Variants in TRPC1 observed in about 807,000 individuals in gnomAD.
TRPC1 encodes the protein short transient receptor potential channel 1.
TRPC1 carries 42 observed loss-of-function variants against 88.2 expected under a neutral mutation model. The ratio of observed to expected loss-of-function variants is 0.48; its 90% confidence interval spans 0.37 to 0.62. TRPC1 has a LOEUF of 0.62. TRPC1 is among the 20% of genes least tolerant of loss of function. The pLI, the probability that TRPC1 is intolerant of heterozygous loss-of-function variation, is 0.00. For missense variants in TRPC1, 699 were observed against 957.3 expected (o/e 0.73, Z 3.56); for synonymous variants, 288 against 331.8 (o/e 0.87, Z 1.43).
At chr3:142,751,893 A>AG (rs1934779364) in intron 4 of TRPC1, among the ~76,000 whole-genome samples, 1 of 152,206 alleles carries the variant, frequency 6.6e-6, no homozygotes, top group Non-Finnish European at 1.5e-5. Context: ...CTATTTTACA[A>AG]AGAGATCTGT....
At chr3:142,799,347 C>T (rs1375412548) in intron 9 of TRPC1, among the ~76,000 whole-genome samples, 1 of 152,118 alleles carries the variant, frequency 6.6e-6, no homozygotes, top group African/African-American at 2.4e-5. Context: ...ATTACTTTTA[C>T]AAATACATAA....
intron 3 of TRPC1, among the ~76,000 whole-genome samples, chr3:142,747,931 T>C (rs548916341): frequency 1.3e-5 from 2 of 152,292 alleles, no homozygotes; most frequent in Non-Finnish European, 2.9e-5. Context: ...TTGTCAGGCA[T>C]GATTCTATAA....
chr3:142,794,197 C>G (rs1578005997), intron 9 of TRPC1, among the ~76,000 whole-genome samples: 1 of 152,022 alleles, frequency 6.6e-6, no homozygotes, highest in Non-Finnish European at 1.5e-5. Context: ...TTATTTTTGC[C>G]ACTAATATCA....
intron 4 of TRPC1, among the ~76,000 whole-genome samples, chr3:142,766,862 T>C (rs1935412338): frequency 6.6e-6 from 1 of 152,260 alleles, no homozygotes; most frequent in Non-Finnish European, 1.5e-5. Context: ...CCATTAGTTC[T>C]GTCCCTCTAG....
At chr3:142,791,193 T>A in intron 8 of TRPC1, 35 bp downstream of exon 8, 2 of 1,563,498 alleles carry the variant, frequency 1.3e-6, no homozygotes, top group South Asian at 2.4e-5. Flanking sequence ...AGGCACAAAT[T>A]AAGTTTATTT....
At chr3:142,778,011 A>G (rs780009546) in intron 5 of TRPC1, among the ~76,000 whole-genome samples, 2 of 152,066 alleles carry the variant, frequency 1.3e-5, no homozygotes, top group African/African-American at 2.4e-5. Context: ...CCACTTTTCA[A>G]CCTAACCAAA....
intron 4 of TRPC1, among the ~76,000 whole-genome samples, chr3:142,766,949 A>C (rs1577977747): frequency 6.6e-6 from 1 of 152,316 alleles, no homozygotes; most frequent in African/African-American, 2.4e-5. Context: ...ATGTCCTTTA[A>C]ATTTCCAAAT....
chr3:142,799,713 C>G (rs182882413), intron 9 of TRPC1, among the ~76,000 whole-genome samples: 1 of 151,938 alleles, frequency 6.6e-6, no homozygotes. Context: ...GTGGGGAGGA[C>G]TGCTGAAGCC....
At chr3:142,778,040 G>T (rs749211215) in intron 5 of TRPC1, among the ~76,000 whole-genome samples, 1 of 152,132 alleles carries the variant, frequency 6.6e-6, no homozygotes, top group Non-Finnish European at 1.5e-5. Flanking sequence ...AGAGCAGTAT[G>T]AAATACAGTA....
rs367859792 is a variant in TRPC1 at position 142,772,921 on chromosome 3, T to C, written c.633-4711T>C. ...TCTGTTCTAGGCCTCTCTCCTTTGT[T>C]GTAGTTGGCCATCTTCATGTTCACA... On this transcript the variant is annotated intron_variant, in intron 4 of 12. Transcript: ENST00000476941. 3.3e-5 allele frequency among the ~76,000 whole-genome samples: 5 copies of C among 152,312 alleles called. No homozygotes were observed. The East Asian group carries it at 9.6e-4, about 29-fold the overall frequency.
chr3:142,753,811 A>AT (rs1392986096), intron 4 of TRPC1, among the ~76,000 whole-genome samples: 4 of 151,352 alleles, frequency 2.6e-5, no homozygotes, highest in Non-Finnish European at 5.9e-5. Context: ...AGAAAGTGAG[A>AT]TGGCTGGACA....
rs1421634064 is a variant in TRPC1, at chr3:142,807,430, A to G, written c.*1195A>G. On this transcript the variant is annotated 3_prime_UTR_variant, in exon 13 of 13. Transcript: ENST00000476941. ...AGCTAAAATGTTTTCATAGGCTATT[A>G]TATATTCTCGCAGCATTTCCAGTTA... 3 of 152,198 alleles carry G rather than the reference A, an allele frequency of 2.0e-5. No individual in the cohort carries two copies. The highest frequency in any genetic ancestry group is 4.4e-5 in the Non-Finnish European group (3 of 68,032). 9.4% of individuals were successfully genotyped at this position (152,198 alleles called of 1,614,324 possible). A position where few individuals can be genotyped will look rare whatever the true frequency, so the allele number is the denominator to read the frequency against.
chr3:142,754,001 C>G (rs1423942118), intron 4 of TRPC1, among the ~76,000 whole-genome samples: 1 of 148,774 alleles, frequency 6.7e-6, no homozygotes, highest in East Asian at 2.0e-4. Context: ...GGGAGGATTA[C>G]CTGTGCCCAG....
At position 142,791,088 on chromosome 3, in the gene TRPC1, A is replaced by G; in HGVS notation, c.1367A>G (p.Asn456Ser). ...GLEDFLEESR[N>S]QLSFVMNSLY... ...GAAGACTTTTTAGAAGAATCTCGTAATCAACTCAGTTTTGTCATGAATTCT... is the reference window on the plus strand; with the variant it reads ...GAAGACTTTTTAGAAGAATCTCGTAGTCAACTCAGTTTTGTCATGAATTCT... Residue 456 changes from asparagine to serine, a missense_variant, in exon 8 of 13, where the codon AAT (asparagine) becomes AGT (serine). By Grantham distance (46) the Asn-to-Ser change is conservative. This residue lies in a region of TRPC1 where 426 missense variants were observed against 641.3 expected (regional missense o/e 0.66). Transcript: ENST00000476941. The G allele has an allele frequency of 5.6e-6, 9 of 1,611,030 alleles. No homozygotes were observed. The highest frequency in any genetic ancestry group is 7.6e-6 in the Non-Finnish European group (9 of 1,178,692).
At position 142,803,969 on chromosome 3, in the gene TRPC1, C is replaced by T; in HGVS notation, c.1758-8C>T. ...GCCTTTTAAACAGAAATGCAATTGT[C>T]TTTACAGGTTCATTGGCACCTGCTT... On this transcript the variant is annotated splice_region_variant and splice_polypyrimidine_tract_variant and intron_variant, in intron 10 of 12. Coordinates refer to ENST00000476941, the MANE Select transcript of TRPC1 (RefSeq NM_001251845.2). 1 of 1,612,724 alleles carries T rather than the reference C, an allele frequency of 6.2e-7. No individual in the cohort carries two copies. Among genetic ancestry groups the T allele is most frequent in the Non-Finnish European group, 8.5e-7 (1 of 1,179,168 alleles).
At chr3:142,742,160 C>T (rs1309253509) in intron 2 of TRPC1, among the ~76,000 whole-genome samples, 1 of 111,576 alleles carries the variant, frequency 9.0e-6, no homozygotes, top group Non-Finnish European at 1.8e-5. Context: ...AAGACTCTGT[C>T]TCAAAAAAAA....
At chr3:142,781,430 T>C (rs1036184651) in intron 6 of TRPC1, among the ~76,000 whole-genome samples, 4 of 152,138 alleles carry the variant, frequency 2.6e-5, no homozygotes, top group African/African-American at 9.7e-5. Context: ...TTGGTTTTCA[T>C]TGATCTGGTT....
At chr3:142,743,655 T>C in intron 3 of TRPC1, 69 bp downstream of exon 3, 1 of 946,900 alleles carries the variant, frequency 1.1e-6, no homozygotes, top group South Asian at 2.7e-5. Context: ...CCATTGCCAT[T>C]TTTTCCTTCC....
intron 2 of TRPC1, among the ~76,000 whole-genome samples, chr3:142,737,738 A>C (rs1934194127): frequency 6.6e-6 from 1 of 152,140 alleles, no homozygotes; most frequent in Non-Finnish European, 1.5e-5. Flanking sequence ...AGGGAGCTGT[A>C]TGTTAGGATG....
Sources: gnomAD v4.1 joint callset for allele counts (sites outside exome capture counted in the v4.1 genomes callset) on GRCh38, gnomAD v4.1.1 for gene constraint, gnomAD v4.1.1 regional missense constraint, MANE v1.5 for transcripts, NCBI Gene and HGNC (gene_info 2026-07-23, HGNC 2026-07-21) for gene names.